ROR1: variants seen among roughly 807,000 people sequenced by gnomAD.
The protein encoded by ROR1 is ROR family WNT receptor 1.
A neutral mutation model predicts 78.8 loss-of-function variants in ROR1; 19 were observed. That is an observed-to-expected ratio of 0.24 (90% CI 0.17 to 0.35). ROR1 has a LOEUF of 0.35. Ranked by LOEUF, ROR1 falls within the 10% of genes least tolerant of loss-of-function variation. The pLI, the probability that ROR1 is intolerant of heterozygous loss-of-function variation, is 1.00. For missense variants in ROR1, 917 were observed against 1,177.8 expected, an observed-to-expected ratio of 0.78 and a Z score of 3.24; for synonymous variants, 386 against 433.6, an observed-to-expected ratio of 0.89 and a Z score of 1.36.
At chr1:64,163,401 G>A (rs1650000551) in intron 8 of ROR1, among the ~76,000 whole-genome samples, 1 of 151,878 alleles carries the variant, frequency 6.6e-6, no homozygotes. Flanking sequence ...CTAGGCAACA[G>A]AGTGAGACTC....
chr1:64,103,340 CA>C (rs10706620), intron 4 of ROR1, among the ~76,000 whole-genome samples: 24,227 of 138,170 alleles, frequency 0.18, 2,122 homozygotes, highest in Non-Finnish European at 0.22. Context: ...AGTTCAAATG[CA>C]AAAAAAAAAA....
At chr1:63,780,513 C>T (rs886942764) in intron 1 of ROR1, among the ~76,000 whole-genome samples, 2 of 152,094 alleles carry the variant, frequency 1.3e-5, no homozygotes, top group African/African-American at 4.8e-5. Flanking sequence ...ACTTAGTGAA[C>T]GTGAAGTATG....
At chr1:64,005,381 G>C (rs760936516) in intron 1 of ROR1, among the ~76,000 whole-genome samples, 5 of 152,232 alleles carry the variant, frequency 3.3e-5, no homozygotes, top group Non-Finnish European at 7.3e-5. Flanking sequence ...ATAAGTGTCA[G>C]ATAGTAGTGT....
intron 1 of ROR1, among the ~76,000 whole-genome samples, chr1:63,805,386 T>C (rs888048720): frequency 3.9e-5 from 6 of 152,210 alleles, no homozygotes; most frequent in African/African-American, 1.4e-4. Flanking sequence ...AAAATGGAGA[T>C]GGTAGTATAG....
intron 1 of ROR1, among the ~76,000 whole-genome samples, chr1:63,883,864 G>C (rs986289478): frequency 1.3e-5 from 2 of 152,182 alleles, no homozygotes; most frequent in Admixed American, 6.5e-5. Context: ...GGGCAGCCAT[G>C]TGGCTAAATG....
At position 64,143,157 on chromosome 1, in the gene ROR1, G is replaced by A. The variant is rs960193255; in HGVS notation, c.1174+507G>A. ...TTAATACTGCAGAAGAAGCATATAGGTATCTAGTAAGAAAATGGAATTCCT... is the reference window on the plus strand; with the variant it reads ...TTAATACTGCAGAAGAAGCATATAGATATCTAGTAAGAAAATGGAATTCCT... On this transcript the variant is annotated intron_variant, in intron 7 of 8. Transcript: ENST00000371079. 7.6e-5 allele frequency: 75 copies of A among 990,230 alleles called. No individual in the cohort carries two copies. The African/African-American group carries it at 1.2e-3, about 16-fold the overall frequency. 61.3% of individuals were successfully genotyped at this position (990,230 alleles called of 1,614,324 possible).
chr1:63,924,033 C>A (rs929091842), intron 1 of ROR1, among the ~76,000 whole-genome samples: 1 of 152,098 alleles, frequency 6.6e-6, no homozygotes, highest in Non-Finnish European at 1.5e-5. Context: ...TTTCATAAGA[C>A]TATAAAGCTA....
intron 1 of ROR1, among the ~76,000 whole-genome samples, chr1:63,912,094 C>G (rs1645574938): frequency 6.8e-6 from 1 of 147,824 alleles, no homozygotes; most frequent in African/African-American, 2.5e-5. Flanking sequence ...TGAGACCAAC[C>G]TGAGAAACAG....
intron 1 of ROR1, among the ~76,000 whole-genome samples, chr1:63,964,515 G>A (rs1419268463): frequency 6.6e-6 from 1 of 152,120 alleles, no homozygotes; most frequent in Non-Finnish European, 1.5e-5. Flanking sequence ...CTAGAACTGT[G>A]CCAGGAGTAG....
intron 4 of ROR1, among the ~76,000 whole-genome samples, chr1:64,060,301 A>G (rs555781186): frequency 3.7e-4 from 57 of 152,304 alleles, no homozygotes; most frequent in African/African-American, 1.3e-3. Context: ...ATCATCATCA[A>G]TGCTATCTGA....
chr1:63,995,145 T>C (rs537021310), intron 1 of ROR1, among the ~76,000 whole-genome samples: 1 of 152,310 alleles, frequency 6.6e-6, no homozygotes, highest in Non-Finnish European at 1.5e-5. Context: ...TTCCATCAGA[T>C]GTAAAAGCCA....
chr1:63,973,914 C>T (rs548669810), intron 1 of ROR1, among the ~76,000 whole-genome samples: 1 of 152,200 alleles, frequency 6.6e-6, no homozygotes, highest in South Asian at 2.1e-4. Flanking sequence ...TCACTGTTTG[C>T]AATTATTTTG....
At chr1:63,784,072 C>T (rs1480398480) in intron 1 of ROR1, among the ~76,000 whole-genome samples, 1 of 152,080 alleles carries the variant, frequency 6.6e-6, no homozygotes, top group African/African-American at 2.4e-5. Context: ...TTAAAATTCT[C>T]TGTAAGATCC....
chr1:64,141,690 C>G (rs1260619906), intron 6 of ROR1, among the ~76,000 whole-genome samples: 1 of 152,130 alleles, frequency 6.6e-6, no homozygotes, highest in Non-Finnish European at 1.5e-5. Context: ...GGCAATTTTT[C>G]AGTTTCCTTT....
At chr1:64,017,383 T>C (rs1246964923) in intron 2 of ROR1, among the ~76,000 whole-genome samples, 5 of 152,158 alleles carry the variant, frequency 3.3e-5, no homozygotes, top group African/African-American at 1.2e-4. Flanking sequence ...TCTCTCTCTC[T>C]AAGACCGGTA....
At chr1:64,107,001 T>G (rs917388041) in intron 4 of ROR1, 1 of 152,564 alleles carries the variant, frequency 6.6e-6, no homozygotes, top group African/African-American at 2.4e-5. Context: ...GCATGCAGTT[T>G]CACAAGTCGT....
chr1:64,047,125 A>G (rs953519260), intron 2 of ROR1, among the ~76,000 whole-genome samples: 5 of 152,308 alleles, frequency 3.3e-5, no homozygotes, highest in South Asian at 2.1e-4. Flanking sequence ...TCTCTGAGAC[A>G]TGACTTCCTC....
intron 1 of ROR1, among the ~76,000 whole-genome samples, chr1:63,795,522 G>A (rs115560052): frequency 2.5e-3 from 383 of 152,236 alleles, no homozygotes; most frequent in Admixed American, 5.8e-3. Context: ...TGGACCTGCC[G>A]TGTGCTTGGG....
chr1:63,780,844 A>G (rs1195474568), intron 1 of ROR1, among the ~76,000 whole-genome samples: 1 of 152,210 alleles, frequency 6.6e-6, no homozygotes, highest in East Asian at 1.9e-4. Context: ...CCAGAATCCT[A>G]CAATGGGGAA....
Sources: allele counts gnomAD v4.1 joint callset (sites outside exome capture counted in the v4.1 genomes callset), GRCh38; gene constraint gnomAD v4.1.1; transcripts MANE v1.5; gene names NCBI Gene and HGNC (gene_info 2026-07-23, HGNC 2026-07-21).